The following CD101 variants were observed in gnomAD, a reference collection of about 807,000 sequenced individuals.
The protein encoded by CD101 is CD101 molecule.
A neutral mutation model predicts 98.2 loss-of-function variants in CD101; 76 were observed. The ratio of observed to expected loss-of-function variants is 0.77; its 90% CI spans 0.64 to 0.94. The LOEUF (loss-of-function observed/expected upper bound fraction) is 0.94. CD101 is among the 40% of genes least tolerant of loss of function. The pLI, the probability that CD101 is intolerant of heterozygous loss-of-function variation, is 0.00. For synonymous variants in CD101, 471 were observed against 472.7 expected (o/e 1.00, Z 0.05); for missense variants, 1,145 against 1,218.8 (o/e 0.94, Z 0.90).
chr1:117,018,300 C>G lies in CD101; in HGVS notation c.1757C>G (p.Ser586Cys). The part of the protein sequence containing the change: ...TVTWQFQPAS[S>C]HIFHQLIRIT... Reference sequence around the variant, plus strand: ...ACGTGGCAGTTCCAGCCAGCTAGCTCTCACATCTTCCACCAGCTTATTCGA... The same window carrying G: ...ACGTGGCAGTTCCAGCCAGCTAGCTGTCACATCTTCCACCAGCTTATTCGA... Residue 586 changes from serine (S) to cysteine (C), a missense_variant, in exon 6 of 10, where the codon TCT becomes TGT. Transcript: ENST00000682167. This position sits in a 1 kb window ranked among gnomAD's most constrained non-coding sequence, Gnocchi z 4.3. 6.2e-7 allele frequency: 1 copy of G among 1,614,186 alleles called. No homozygotes were observed. Among genetic ancestry groups the G allele is most frequent in the Non-Finnish European group, 8.5e-7 (1 of 1,180,022 alleles).
In CD101 at chr1:117,018,388, A is replaced by C. The variant is rs1289998017; in HGVS notation, c.1845A>C (p.Lys615Asn). The C allele has an allele frequency of 1.9e-6, 3 of 1,614,056 alleles. No individual in the cohort carries two copies. The highest frequency in any genetic ancestry group is 2.5e-6 in the Non-Finnish European group (3 of 1,180,042). Reference sequence around the variant, plus strand: ...TATCCCGGTTCCAAAAGAAGACGAAAGTGTCGCAGTCTTTATTTCGTTCAC... The same window carrying C: ...TATCCCGGTTCCAAAAGAAGACGAACGTGTCGCAGTCTTTATTTCGTTCAC... ...NFLSRFQKKT[K>N]VSQSLFRSQL... The change falls in exon 6 of 10, where the codon AAA becomes AAC. Residue 615 changes from lysine (K) to asparagine (N), a missense_variant. By Grantham distance (94) the Lys-to-Asn change is moderately conservative (BLOSUM62 0). Coordinates refer to ENST00000682167, the MANE Select transcript of CD101 (RefSeq NM_001256106.3). The surrounding 1 kb of genome is among the most constrained non-coding windows in gnomAD (Gnocchi z 4.3).
At chr1:117,029,526 C>A (rs1445303439) in intron 8 of CD101, among the ~76,000 whole-genome samples, 1 of 152,204 alleles carries the variant, frequency 6.6e-6, no homozygotes, top group Non-Finnish European at 1.5e-5. Flanking sequence ...AGCCCCCACA[C>A]CTGCAGTTAC....
chr1:117,002,578 C>T (rs1300684502), intron 1 of CD101, among the ~76,000 whole-genome samples: 1 of 152,176 alleles, frequency 6.6e-6, no homozygotes, highest in Non-Finnish European at 1.5e-5. Context: ...TTTTCATTAA[C>T]ATCTGGTAAA....
chr1:117,019,113 T>C lies in CD101; in HGVS notation c.2017+553T>C, dbSNP rs1653420951. 6.6e-6 allele frequency among the ~76,000 whole-genome samples: 1 copy of C among 152,230 alleles called. No individual in the cohort carries two copies. Among genetic ancestry groups the C allele is most frequent in the South Asian group, 2.1e-4 (1 of 4,836 alleles). On this transcript the variant is annotated intron_variant, in intron 6 of 9. Coordinates refer to ENST00000682167, the MANE Select transcript of CD101 (RefSeq NM_001256106.3). The surrounding 1 kb of genome is among the most constrained non-coding windows in gnomAD (Gnocchi z 4.3). ...TAGGAGTTAAAAGTGAGATACTACCTAGGCAAAGTTCTGCTGTGTCATGTA... is the reference window on the plus strand; with the variant it reads ...TAGGAGTTAAAAGTGAGATACTACCCAGGCAAAGTTCTGCTGTGTCATGTA...
In CD101 at chr1:117,017,437, T is replaced by A. The variant is rs375022404; in HGVS notation, c.1576T>A (p.Trp526Arg). Reference sequence around the variant, plus strand: ...TCGGAACCAGGCCAGAGATCTGAGCTGGACTCAGAAGATTTCAGTTACTGT... The same window carrying A: ...TCGGAACCAGGCCAGAGATCTGAGCAGGACTCAGAAGATTTCAGTTACTGT... ...KSRNQARDLSWTQKISVTVKS... is the reference protein window; with the variant it reads ...KSRNQARDLSRTQKISVTVKS... Residue 526 changes from tryptophan (W) to arginine (R), a missense_variant, in exon 5 of 10, where the codon TGG (tryptophan) becomes AGG (arginine). Physicochemically the swap from Trp to Arg is moderately radical, Grantham distance 101. Coordinates refer to ENST00000682167, the MANE Select transcript of CD101 (RefSeq NM_001256106.3). The A allele has an allele frequency of 6.2e-7, 1 of 1,613,276 alleles. No homozygotes were observed. Among genetic ancestry groups the A allele is most frequent in the African/African-American group, 1.3e-5 (1 of 74,912 alleles).
intron 7 of CD101, among the ~76,000 whole-genome samples, chr1:117,025,275 A>G (rs982440781): frequency 1.8e-4 from 27 of 152,206 alleles, no homozygotes; most frequent in Non-Finnish European, 1.0e-4. Flanking sequence ...AGGCAGGAGA[A>G]TTGCTTGAAC....
intron 1 of CD101, among the ~76,000 whole-genome samples, chr1:117,003,770 T>G (rs1401779481): frequency 6.6e-6 from 1 of 152,234 alleles, no homozygotes; most frequent in African/African-American, 2.4e-5. Flanking sequence ...GTTATACATT[T>G]ACTTCTTCTA....
chr1:117,027,242 T>G (rs113326283), intron 8 of CD101, among the ~76,000 whole-genome samples: 33 of 152,358 alleles, frequency 2.2e-4, no homozygotes, highest in African/African-American at 7.9e-4. Flanking sequence ...TGTGTACATC[T>G]ATGTGACAAA....
At chr1:117,007,134 T>C (rs1652581901) in intron 1 of CD101, among the ~76,000 whole-genome samples, 1 of 152,112 alleles carries the variant, frequency 6.6e-6, no homozygotes, top group Non-Finnish European at 1.5e-5. Context: ...AAAATTTTTA[T>C]TATTTGTTTA....
chr1:117,001,832 A>T lies in CD101; in HGVS notation c.15A>T (p.Ser5=), dbSNP rs948264797. MAGI[S]YVASFFLLLT... ...TGCTGGCCCAAATGGCAGGCATCTCATATGTGGCATCTTTCTTTCTCCTTC... is the reference window on the plus strand; with the variant it reads ...TGCTGGCCCAAATGGCAGGCATCTCTTATGTGGCATCTTTCTTTCTCCTTC... Residue 5 remains serine (S), a synonymous_variant, in exon 1 of 10, where the codon TCA becomes TCT. Coordinates refer to ENST00000682167, the MANE Select transcript of CD101 (RefSeq NM_001256106.3). 1.2e-6 allele frequency: 2 copies of T among 1,613,704 alleles called. No individual in the cohort carries two copies. Among genetic ancestry groups the T allele is most frequent in the African/African-American group, 1.3e-5 (1 of 74,920 alleles).
intron 8 of CD101, 106 bp downstream of exon 8, chr1:117,026,010 C>A: frequency 8.0e-7 from 1 of 1,249,284 alleles, no homozygotes; most frequent in Non-Finnish European, 1.1e-6. Context: ...AGACAATTTT[C>A]AGACTGAAGA....
In CD101 at chr1:117,018,385, G is replaced by T; in HGVS notation, c.1842G>T (p.Thr614=). The T allele has an allele frequency of 6.2e-7, 1 of 1,614,126 alleles. No individual in the cohort carries two copies. Among genetic ancestry groups the T allele is most frequent in the Non-Finnish European group, 8.5e-7 (1 of 1,180,026 alleles). ...GNFLSRFQKK[T]KVSQSLFRSQ... ...TCCTATCCCGGTTCCAAAAGAAGAC[G>T]AAAGTGTCGCAGTCTTTATTTCGTT... is the stretch of plus-strand genomic sequence containing the variant. The change falls in exon 6 of 10, where the codon ACG becomes ACT. Residue 614 remains threonine (T), a synonymous_variant. Transcript: ENST00000682167. The surrounding 1 kb of genome is among the most constrained non-coding windows in gnomAD (Gnocchi z 4.3).
chr1:117,017,100 G>C lies in CD101; in HGVS notation c.1239G>C (p.Val413=). The C allele has an allele frequency of 6.8e-6, 11 of 1,613,390 alleles. No homozygotes were observed. Among genetic ancestry groups the C allele is most frequent in the Non-Finnish European group, 8.5e-6 (10 of 1,179,552 alleles). Reference sequence around the variant, plus strand: ...ATCTGTAACTCACAGCAAGAAGTGTGGTCATGTCTACCAAGAACAAGCAGC... The same window carrying C: ...ATCTGTAACTCACAGCAAGAAGTGTCGTCATGTCTACCAAGAACAAGCAGC... ...VHLRKPAARS[V]VMSTKNKQQV... Residue 413 remains valine, a synonymous_variant, in exon 5 of 10, where the codon GTG becomes GTC. Transcript: ENST00000682167.
chr1:117,029,147 GAAAGA>G (rs1348773810), intron 8 of CD101, among the ~76,000 whole-genome samples: 4 of 82,834 alleles, frequency 4.8e-5, no homozygotes, highest in African/African-American at 1.5e-4. Context: ...AAGAAAGAAA[GAAAGA>G]AAGAAAGAAA....
At position 117,022,361 on chromosome 1, in the gene CD101, C is replaced by T. The variant is rs1212064724; in HGVS notation, c.2428+378C>T. On this transcript the variant is annotated intron_variant, in intron 7 of 9. Transcript: ENST00000682167. The surrounding 1 kb of genome is among the most constrained non-coding windows in gnomAD (Gnocchi z 4.8). ...AAAGAGTAATACGAAGCATATTTCT[C>T]CCACTGTGAACAGAAACTGTACAAC... is the stretch of plus-strand genomic sequence containing the variant. 2.6e-5 allele frequency among the ~76,000 whole-genome samples: 4 copies of T among 152,176 alleles called. No individual in the cohort carries two copies. The highest frequency in any genetic ancestry group is 4.4e-5 in the Non-Finnish European group (3 of 68,020).
intron 5 of CD101, among the ~76,000 whole-genome samples, chr1:117,017,829 G>A (rs1381489573): frequency 2.6e-5 from 4 of 152,164 alleles, no homozygotes; most frequent in Admixed American, 1.3e-4. Context: ...CTGAACCCAC[G>A]CATGGGGGTA....
rs757975915 is a variant in CD101, at chr1:117,033,920, G to C, written c.2885G>C (p.Cys962Ser). The change falls in exon 9 of 10, where the codon TGT (cysteine) becomes TCT (serine). Residue 962 changes from cysteine (C) to serine (S), a missense_variant. Transcript: ENST00000682167. This position sits in a 1 kb window ranked among gnomAD's most constrained non-coding sequence, Gnocchi z 4.8. The part of the protein sequence containing the change: ...SAPLLYFLFI[C>S]PFVLLLLLLI... ...CCTTTACTCTATTTCCTGTTCATCT[G>C]TCCCTTCGTCCTGCTCCTCCTTCTG... The C allele has an allele frequency of 5.6e-6, 9 of 1,613,966 alleles. No homozygotes were observed. The South Asian group carries it at 7.7e-5, about 14-fold the overall frequency.
In CD101 at chr1:117,018,259, G is replaced by A. The variant is rs1653361846; in HGVS notation, c.1716G>A (p.Lys572=). The change falls in exon 6 of 10, where the codon AAG becomes AAA. Residue 572 remains lysine, a synonymous_variant. Coordinates refer to ENST00000682167, the MANE Select transcript of CD101 (RefSeq NM_001256106.3). The surrounding 1 kb of genome is among the most constrained non-coding windows in gnomAD (Gnocchi z 4.3). The part of the protein sequence containing the change: ...CVVRAGYSDL[K]VPLTVTWQFQ... ...TGAGGGCCGGTTACTCTGACCTCAA[G>A]GTGCCACTCACTGTGACGTGGCAGT... 6.2e-7 allele frequency: 1 copy of A among 1,614,174 alleles called. No individual in the cohort carries two copies. Among genetic ancestry groups the A allele is most frequent in the African/African-American group, 1.3e-5 (1 of 75,036 alleles).
rs1307900513 is a variant in CD101, at chr1:117,019,308, A to T, written c.2017+748A>T. On this transcript the variant is annotated intron_variant, in intron 6 of 9. Transcript: ENST00000682167. This position sits in a 1 kb window ranked among gnomAD's most constrained non-coding sequence, Gnocchi z 4.3. ...GTTAATGTGCAATTTAAATATGGTG[A>T]CATATATAACATGCCGAGTACCTGA... Among the ~76,000 whole-genome samples the T allele has an allele frequency of 1.3e-5, 2 of 152,200 alleles. No individual in the cohort carries two copies. The highest frequency in any genetic ancestry group is 2.9e-5 in the Non-Finnish European group (2 of 68,042).
Sources: gnomAD v4.1 joint callset for allele counts (sites outside exome capture counted in the v4.1 genomes callset) on GRCh38, gnomAD v4.1.1 for gene constraint, Gnocchi (gnomAD v3.1) non-coding constraint, MANE v1.5 for transcripts, NCBI Gene and HGNC (gene_info 2026-07-23, HGNC 2026-07-21) for gene names.